The following CUBN variants were observed in gnomAD, a reference collection of about 807,000 sequenced individuals.
The protein encoded by CUBN is cubilin, also known as 460 kDa receptor.
In CUBN, 282 loss-of-function variants were observed where a neutral mutation model predicts 405.3. The observed-to-expected ratio is 0.70, with a 90% confidence interval of 0.63 to 0.77. The LOEUF is 0.77. Ranked by LOEUF, CUBN falls within the 30% of genes least tolerant of loss-of-function variation. The pLI, the probability that CUBN is intolerant of heterozygous loss-of-function variation, is 0.00. For missense variants in CUBN, 4,514 were observed against 4,475.2 expected (o/e 1.01, Z -0.25); for synonymous variants, 1,684 against 1,617.0 (o/e 1.04, Z -0.99).
chr10:16,873,553 C>T (rs1049646035), intron 58 of CUBN, among the ~76,000 whole-genome samples: 6 of 151,776 alleles, frequency 4.0e-5, no homozygotes, highest in African/African-American at 7.3e-5. Context: ...GAAACCCCGT[C>T]GCTACCAGAA....
At position 16,848,743 on chromosome 10, in the gene CUBN, C is replaced by T. The variant is rs377298572; in HGVS notation, c.9663+2492G>A. 1.9e-3 allele frequency among the ~76,000 whole-genome samples: 231 copies of T among 119,910 alleles called. 1 individual carries two copies. Among genetic ancestry groups the T allele is most frequent in the African/African-American group, 6.5e-3 (220 of 33,736 alleles). The allele number at this position is 119,910 out of a possible 152,430, so 78.7% of individuals were successfully genotyped here. ...TGGCGAAAGTATCTCACTCTGTTGC[C>T]CAGGCTGGTGTGCAGTGATGCAATC... On this transcript the variant is annotated intron_variant, in intron 60 of 66. Transcript: ENST00000377833.
At chr10:16,884,002 CAG>C (rs1403484752) in intron 56 of CUBN, among the ~76,000 whole-genome samples, 2 of 152,104 alleles carry the variant, frequency 1.3e-5, no homozygotes, top group Non-Finnish European at 2.9e-5. Flanking sequence ...TATTTTGAGA[CAG>C]AGTCTTGCTC....
intron 63 of CUBN, among the ~76,000 whole-genome samples, chr10:16,835,442 G>A (rs1839139989): frequency 1.3e-5 from 2 of 152,164 alleles, no homozygotes; most frequent in Admixed American, 6.5e-5. Flanking sequence ...GACACAGGAG[G>A]CTTCTCCTTT....
intron 28 of CUBN, among the ~76,000 whole-genome samples, chr10:17,008,294 T>G: frequency 6.8e-6 from 1 of 146,594 alleles, no homozygotes; most frequent in Admixed American, 6.8e-5. Flanking sequence ...CTGAGAGTAA[T>G]TTTTACATTT....
At chr10:17,121,692 A>G (rs1837045504) in intron 6 of CUBN, among the ~76,000 whole-genome samples, 2 of 152,146 alleles carry the variant, frequency 1.3e-5, no homozygotes, top group African/African-American at 2.4e-5. Context: ...AACTTAAAGT[A>G]TAATAATAAT....
At chr10:16,886,191 C>A (rs912494227) in intron 56 of CUBN, among the ~76,000 whole-genome samples, 5 of 152,116 alleles carry the variant, frequency 3.3e-5, no homozygotes, top group Non-Finnish European at 5.9e-5. Flanking sequence ...TAAGCAAACA[C>A]ATGTGCTGAA....
intron 27 of CUBN, among the ~76,000 whole-genome samples, chr10:17,040,525 G>T (rs1210654810): frequency 6.6e-6 from 1 of 152,050 alleles, no homozygotes; most frequent in Non-Finnish European, 1.5e-5. Context: ...GCCTGAAATT[G>T]CATACAGACA....
chr10:16,998,091 T>G lies in CUBN; in HGVS notation c.4169-7576A>C, dbSNP rs61264237. Among the ~76,000 whole-genome samples, 84 of 143,628 alleles carry G rather than the reference T, an allele frequency of 5.8e-4. No homozygotes were observed. In the East Asian group the frequency reaches 0.016, roughly 28 times the overall value. The allele number at this position is 143,628 out of a possible 152,430, so 94.2% of individuals were successfully genotyped here. A position where few individuals can be genotyped will look rare whatever the true frequency, so the allele number is the denominator to read the frequency against. On this transcript the variant is annotated intron_variant, in intron 28 of 66. Transcript: ENST00000377833. ...AAAAAAGAAGGAAGAAAGAAGAGAG[T>G]GAAAAGGAAGAAGAGGACAAAACAT...
intron 28 of CUBN, among the ~76,000 whole-genome samples, chr10:16,994,301 C>T (rs903360771): frequency 3.9e-5 from 6 of 152,250 alleles, no homozygotes; most frequent in African/African-American, 1.2e-4. Flanking sequence ...CATTTATAGA[C>T]ATAAAAAGTG....
At chr10:16,996,627 A>T (rs1276710) in intron 28 of CUBN, among the ~76,000 whole-genome samples, 74,516 of 151,956 alleles carry the variant, frequency 0.49, 19,990 homozygotes, top group Non-Finnish European at 0.61. Context: ...GTGTGTTTTT[A>T]ATAAGAGCTT....
At chr10:16,912,488 C>A (rs1841760609) in intron 48 of CUBN, among the ~76,000 whole-genome samples, 1 of 152,142 alleles carries the variant, frequency 6.6e-6, no homozygotes, top group Non-Finnish European at 1.5e-5. Flanking sequence ...TGATGTATGG[C>A]AGCAGGTGTG....
chr10:17,068,732 T>C lies in CUBN; in HGVS notation c.2664A>G (p.Lys888=). ...SSSILGSPEN[K]KYCGTDIPSF... is the part of the protein sequence containing the mutation. Reference sequence around the variant, plus strand: ...AAGGTATGTCTGTACCGCAATACTTTTTATTTTCAGGAGAACCCAAAATGG... The same window carrying C: ...AAGGTATGTCTGTACCGCAATACTTCTTATTTTCAGGAGAACCCAAAATGG... The change falls in exon 20 of 67, where the codon AAA becomes AAG. Residue 888 remains lysine, a synonymous_variant. Transcript: ENST00000377833. 1 of 1,612,848 alleles carries C rather than the reference T, an allele frequency of 6.2e-7. No individual in the cohort carries two copies.
At chr10:16,919,624 C>T (rs1168906730) in intron 44 of CUBN, among the ~76,000 whole-genome samples, 2 of 152,070 alleles carry the variant, frequency 1.3e-5, no homozygotes, top group Admixed American at 6.6e-5. Context: ...TTTGTGACAC[C>T]GAATATGAGG....
intron 31 of CUBN, chr10:16,965,588 A>AAAC (rs1429062856): frequency 2.6e-5 from 4 of 152,994 alleles, no homozygotes; most frequent in African/African-American, 4.8e-5. Flanking sequence ...AAAAAAAAAA[A>AAAC]AAAACAGGAA....
intron 60 of CUBN, among the ~76,000 whole-genome samples, chr10:16,849,698 T>C (rs1839624955): frequency 6.6e-6 from 1 of 152,198 alleles, no homozygotes; most frequent in African/African-American, 2.4e-5. Flanking sequence ...TGCACCCCTC[T>C]TGCCATCACC....
chr10:17,064,519 G>A (rs558409212), intron 22 of CUBN, among the ~76,000 whole-genome samples: 1 of 152,280 alleles, frequency 6.6e-6, no homozygotes, highest in Non-Finnish European at 1.5e-5. Context: ...TGCTGCTGGG[G>A]TAATCCCAAA....
chr10:17,020,104 G>T, intron 27 of CUBN, 121 bp from the exon 28 acceptor site: 1 of 1,030,408 alleles, frequency 9.7e-7, no homozygotes, highest in Non-Finnish European at 1.5e-6. Flanking sequence ...AATCTGCTGA[G>T]GTGGGTTGAG....
At chr10:17,127,205 T>C (rs1837214449) in intron 3 of CUBN, among the ~76,000 whole-genome samples, 1 of 138,842 alleles carries the variant, frequency 7.2e-6, no homozygotes, top group Non-Finnish European at 1.6e-5. Context: ...TTTCACTCTG[T>C]CTTTCTTTCT....
intron 29 of CUBN, among the ~76,000 whole-genome samples, chr10:16,985,667 G>T (rs1323723785): frequency 2.0e-5 from 3 of 152,202 alleles, no homozygotes; most frequent in Non-Finnish European, 2.9e-5. Context: ...ATCTTGCCTG[G>T]GTTCCTGCAC....
Sources: allele counts gnomAD v4.1 joint callset (sites outside exome capture counted in the v4.1 genomes callset), GRCh38; gene constraint gnomAD v4.1.1; transcripts MANE v1.5; gene names NCBI Gene and HGNC (gene_info 2026-07-23, HGNC 2026-07-21).